MEX3D: variants seen among roughly 807,000 people sequenced by gnomAD.
MEX3D encodes mex-3 RNA binding family member D.
In MEX3D, 4 loss-of-function variants were observed where a neutral mutation model predicts 6.3. That is an observed-to-expected ratio of 0.64 (90% CI 0.31 to 1.46). The LOEUF is 1.46. Ranked by LOEUF, MEX3D falls within the 40% of genes most tolerant of loss-of-function variation. The probability of loss-of-function intolerance (pLI) is 0.07; values close to 1 mark genes in which losing one functional copy is unlikely to be tolerated. For synonymous variants in MEX3D, 626 were observed against 494.1 expected, an observed-to-expected ratio of 1.27 and a Z score of -3.54; for missense variants, 1,038 against 994.4, an observed-to-expected ratio of 1.04 and a Z score of -0.59.
Position 1,555,384 on chromosome 19 carries a change from C to T in MEX3D, c.*179G>A, listed in dbSNP as rs1914492880. ...CCGCCGGGCTGCGGGGTCTCCGTCT[C>T]CACGCCTGAGGCGGCAGTTAAAGCT... On this transcript the variant is annotated 3_prime_UTR_variant, in exon 2 of 2. Transcript: ENST00000402693. 1 of 1,600,380 alleles carries T rather than the reference C, an allele frequency of 6.2e-7. No homozygotes were observed. The highest frequency in any genetic ancestry group is 8.5e-7 in the Non-Finnish European group (1 of 1,173,116).
Position 1,567,739 on chromosome 19 carries a change from G to A in MEX3D, c.320C>T (p.Pro107Leu), listed in dbSNP as rs1388538214. The A allele has an allele frequency of 9.2e-6, 9 of 978,846 alleles. No homozygotes were observed. The South Asian group carries it at 4.2e-4, about 45-fold the overall frequency. The allele number at this position is 978,846 out of a possible 1,614,324, so 60.6% of individuals were successfully genotyped here. ...AAPEPVPPDG[P>L]EAGAPPTLAP... The stretch of plus-strand genomic sequence containing the variant: ...CAGGGTCGGGGGCGCGCCGGCCTCA[G>A]GTCCGTCGGGGGGCACAGGCTCCGG... Residue 107 changes from proline (P) to leucine (L), a missense_variant, in exon 1 of 2, where the codon CCT (proline) becomes CTT (leucine). Coordinates refer to ENST00000402693, the MANE Select transcript of MEX3D (RefSeq NM_203304.4). This position sits in a 1 kb window ranked among gnomAD's most constrained non-coding sequence, Gnocchi z 6.5.
In MEX3D at chr19:1,568,097, GCGC is replaced by G. The variant is rs931992103; in HGVS notation, c.-42_-40del. The G allele has an allele frequency of 2.3e-5, 22 of 976,552 alleles. No homozygotes were observed. Among genetic ancestry groups the G allele is most frequent in the East Asian group, 2.4e-4 (2 of 8,290 alleles). The allele number at this position is 976,552 out of a possible 1,614,324, so 60.5% of individuals were successfully genotyped here. A position where few individuals can be genotyped will look rare whatever the true frequency, so the allele number is the denominator to read the frequency against. On this transcript the variant is annotated 5_prime_UTR_variant, in exon 1 of 2. Transcript: ENST00000402693. ...GCTGGGGCCCGCGCTCCTGCCGCCCGCGCCGCCGCCGCCGCCCGCGCCGCCCTC... is the reference window on the plus strand; with the variant it reads ...GCTGGGGCCCGCGCTCCTGCCGCCCGCGCCGCCGCCGCCCGCGCCGCCCTC...
intron 1 of MEX3D, 85 bp from the exon 2 acceptor site, chr19:1,557,008 G>A: frequency 6.8e-7 from 1 of 1,472,228 alleles, no homozygotes; most frequent in Admixed American, 2.2e-5. Context: ...TGCAGGGCCA[G>A]TGAGGGAGCC....
At position 1,567,264 on chromosome 19, in the gene MEX3D, G is replaced by C. The variant is rs955815247; in HGVS notation, c.595+200C>G. On this transcript the variant is annotated intron_variant, in intron 1 of 1. Transcript: ENST00000402693. The surrounding 1 kb of genome is among the most constrained non-coding windows in gnomAD (Gnocchi z 6.5). ...GGCGGGGCCGGAGCGCGCAGGGGAG[G>C]AGCGCGGGCTGCGCCCAACTTTCTC... 7.2e-5 allele frequency among the ~76,000 whole-genome samples: 11 copies of C among 151,864 alleles called. No individual in the cohort carries two copies. Among genetic ancestry groups the C allele is most frequent in the Non-Finnish European group, 1.5e-4 (10 of 67,920 alleles).
In MEX3D at chr19:1,556,770, A is replaced by T; in HGVS notation, c.749T>A (p.Ile250Asn). Residue 250 changes from isoleucine to asparagine, a missense_variant, in exon 2 of 2, where the codon ATC becomes AAC. Coordinates refer to ENST00000402693, the MANE Select transcript of MEX3D (RefSeq NM_203304.4). This position sits in a 1 kb window ranked among gnomAD's most constrained non-coding sequence, Gnocchi z 7.5. ...CCCGGCCTTGCTGCGCGTGGCGCGG[A>T]TGATGGAGAAGTGTTCGGCCGCCGA... ...ILSAAEHFSI[I>N]RATRSKAGGL... 6.2e-7 allele frequency: 1 copy of T among 1,612,446 alleles called. No homozygotes were observed. The highest frequency in any genetic ancestry group is 8.5e-7 in the Non-Finnish European group (1 of 1,179,750).
rs559848807 is a variant in MEX3D, at chr19:1,560,183, G to C, written c.596-3260C>G. Among the ~76,000 whole-genome samples the C allele has an allele frequency of 1.9e-3, 292 of 152,362 alleles. 1 individual carries two copies. Among genetic ancestry groups the C allele is most frequent in the African/African-American group, 6.3e-3 (264 of 41,580 alleles). ...TGGCTTCACAGGCCCGGCTTCACAG[G>C]CCCTCAGAGGGCCATGACCAGGCCG... is the stretch of plus-strand genomic sequence containing the variant. On this transcript the variant is annotated intron_variant, in intron 1 of 1. Transcript: ENST00000402693.
chr19:1,563,714 G>C (rs1340238526), intron 1 of MEX3D, among the ~76,000 whole-genome samples: 1 of 152,164 alleles, frequency 6.6e-6, no homozygotes, highest in East Asian at 1.9e-4. Flanking sequence ...CTCCCAGACA[G>C]GGCTGCCTCC....
chr19:1,559,751 G>C (rs949347115), intron 1 of MEX3D, among the ~76,000 whole-genome samples: 1 of 152,190 alleles, frequency 6.6e-6, no homozygotes, highest in Admixed American at 6.5e-5. Flanking sequence ...GTCAGAAACT[G>C]CCTGGGCCAG....
intron 1 of MEX3D, among the ~76,000 whole-genome samples, chr19:1,565,875 G>T (rs546296274): frequency 6.6e-6 from 1 of 152,350 alleles, no homozygotes; most frequent in South Asian, 2.1e-4. Flanking sequence ...GCCTGACGCT[G>T]ATTCCTGCCA....
intron 1 of MEX3D, among the ~76,000 whole-genome samples, 187 bp from the exon 2 acceptor site, chr19:1,557,110 T>C (rs1914593985): frequency 6.6e-6 from 1 of 152,046 alleles, no homozygotes; most frequent in African/African-American, 2.4e-5. Context: ...TGGGCTCGAG[T>C]TTGGCCTAAA....
rs1307831137 is a variant in MEX3D, at chr19:1,555,446, C to T, written c.*117G>A. ...ACTGGCCGCCGCCCACCCCCCTGCC[C>T]CCTCGGCCTCCGCCCCTCGCCCCCT... On this transcript the variant is annotated 3_prime_UTR_variant, in exon 2 of 2. Coordinates refer to ENST00000402693, the MANE Select transcript of MEX3D (RefSeq NM_203304.4). 6 of 1,453,368 alleles carry T rather than the reference C, an allele frequency of 4.1e-6. No individual in the cohort carries two copies. The highest frequency in any genetic ancestry group is 5.5e-6 in the Non-Finnish European group (6 of 1,085,624). 90.0% of individuals were successfully genotyped at this position (1,453,368 alleles called of 1,614,324 possible).
chr19:1,565,944 C>A (rs1367135245), intron 1 of MEX3D, among the ~76,000 whole-genome samples: 1 of 152,248 alleles, frequency 6.6e-6, no homozygotes, highest in African/African-American at 2.4e-5. Flanking sequence ...CAAGCGCGTT[C>A]ACAAAGAACA....
Position 1,567,477 on chromosome 19 carries a change from G to A in MEX3D, c.582C>T (p.Ile194=), listed in dbSNP as rs886477529. 1.3e-6 allele frequency: 2 copies of A among 1,568,592 alleles called. No individual in the cohort carries two copies. Among genetic ancestry groups the A allele is most frequent in the East Asian group, 2.6e-5 (1 of 38,822 alleles). The change falls in exon 1 of 2, where the codon ATC becomes ATT. Residue 194 remains isoleucine (I), a synonymous_variant. Transcript: ENST00000402693. The surrounding 1 kb of genome is among the most constrained non-coding windows in gnomAD (Gnocchi z 6.5). ...PVPSSEHVAE[I]VGRQGCKIKA... ...AGGGCCACTCACCCTGGCGACCCAC[G>A]ATCTCGGCGACGTGCTCGGAGCTGG...
rs1013014531 is a variant in MEX3D, at chr19:1,568,188, G to C, written c.-130C>G. On this transcript the variant is annotated 5_prime_UTR_variant, in exon 1 of 2. Transcript: ENST00000402693. ...GCGGCGGGGGCGGGCACGGGGGGCC[G>C]GGCGGGCGGGGCGGCGGCGGCGCGG... 11 of 655,648 alleles carry C rather than the reference G, an allele frequency of 1.7e-5. No homozygotes were observed. The highest frequency in any genetic ancestry group is 2.1e-5 in the Non-Finnish European group (11 of 534,910). The allele number at this position is 655,648 out of a possible 1,614,324, so 40.6% of individuals were successfully genotyped here.
intron 1 of MEX3D, among the ~76,000 whole-genome samples, chr19:1,560,121 C>T (rs1175178060): frequency 6.6e-6 from 1 of 152,200 alleles, no homozygotes; most frequent in Non-Finnish European, 1.5e-5. Context: ...CCTTGCTATG[C>T]CTGTTTCTTC....
At position 1,555,912 on chromosome 19, in the gene MEX3D, T is replaced by C. The variant is rs1914529400; in HGVS notation, c.1607A>G (p.Asp536Gly). 8.3e-7 allele frequency: 1 copy of C among 1,207,380 alleles called. No homozygotes were observed. 74.8% of individuals were successfully genotyped at this position (1,207,380 alleles called of 1,614,324 possible). A position where few individuals can be genotyped will look rare whatever the true frequency, so the allele number is the denominator to read the frequency against. The change falls in exon 2 of 2, where the codon GAC (aspartate) becomes GGC (glycine). Residue 536 changes from aspartate to glycine, a missense_variant. Around this residue, in one of 5 missense-constraint regions of MEX3D, gnomAD observed 581 missense variants for 516.2 expected, o/e 1.13. Coordinates refer to ENST00000402693, the MANE Select transcript of MEX3D (RefSeq NM_203304.4). The stretch of plus-strand genomic sequence containing the variant: ...TCGCCAGGACAGCGCGCCCACCGGG[T>C]CCGGGGCGCCACGGCGAGACAGCGG... Reference protein sequence around the residue: ...ELPLSRRGAPDPVGALSWRPP... With the variant: ...ELPLSRRGAPGPVGALSWRPP...
chr19:1,563,343 T>C (rs2057621984), intron 1 of MEX3D, among the ~76,000 whole-genome samples: 1 of 152,172 alleles, frequency 6.6e-6, no homozygotes, highest in Non-Finnish European at 1.5e-5. Context: ...ATCACTAGCC[T>C]TAGCCTGTGC....
In MEX3D at chr19:1,565,871, C is replaced by T. The variant is rs79820194; in HGVS notation, c.595+1593G>A. 5.5e-3 allele frequency among the ~76,000 whole-genome samples: 840 copies of T among 152,332 alleles called. 7 individuals are homozygous for T. Among genetic ancestry groups the T allele is most frequent in the African/African-American group, 0.018 (754 of 41,578 alleles). ...ACAGGTCTAGAAGCTCTCAGCCTGACGCTGATTCCTGCCAGCTCCCCATGT... is the reference window on the plus strand; with the variant it reads ...ACAGGTCTAGAAGCTCTCAGCCTGATGCTGATTCCTGCCAGCTCCCCATGT... On this transcript the variant is annotated intron_variant, in intron 1 of 1. Transcript: ENST00000402693.
At chr19:1,566,331 C>T (rs1269321014) in intron 1 of MEX3D, among the ~76,000 whole-genome samples, 1 of 152,212 alleles carries the variant, frequency 6.6e-6, no homozygotes, top group African/African-American at 2.4e-5. Context: ...TGGTGCCCCA[C>T]CCACCTGGAC....
Sources: gnomAD v4.1 joint callset for allele counts (sites outside exome capture counted in the v4.1 genomes callset) on GRCh38, gnomAD v4.1.1 for gene constraint, gnomAD v4.1.1 regional missense constraint, Gnocchi (gnomAD v3.1) non-coding constraint, MANE v1.5 for transcripts, NCBI Gene and HGNC (gene_info 2026-07-23, HGNC 2026-07-21) for gene names.